The following TCF12 variants were observed in gnomAD, a reference collection of about 807,000 sequenced individuals.
TCF12 encodes the protein DNA-binding protein HTF4.
In TCF12, 45 loss-of-function variants were observed where a neutral mutation model predicts 86.0. That is an observed-to-expected ratio of 0.52 (90% CI 0.41 to 0.67). The LOEUF is 0.67. Ranked by LOEUF, TCF12 falls within the 30% of genes least tolerant of loss-of-function variation. The pLI is 0.00. For synonymous variants in TCF12, 330 were observed against 299.6 expected, an observed-to-expected ratio of 1.10 and a Z score of -1.05; for missense variants, 881 against 859.9, an observed-to-expected ratio of 1.02 and a Z score of -0.31.
intron 3 of TCF12, among the ~76,000 whole-genome samples, chr15:56,979,783 CCTG>C (rs779330511): frequency 1.1e-4 from 16 of 152,128 alleles, no homozygotes; most frequent in Admixed American, 2.0e-4. Context: ...CAGTATTATT[CCTG>C]CTATCTAAAT....
chr15:56,949,470 T>A (rs1595812135), intron 3 of TCF12, among the ~76,000 whole-genome samples: 1 of 152,270 alleles, frequency 6.6e-6, no homozygotes, highest in Non-Finnish European at 1.5e-5. Context: ...AACTCAGTTA[T>A]GTATGAATTA....
intron 3 of TCF12, among the ~76,000 whole-genome samples, chr15:56,992,868 A>T (rs759700041): frequency 6.6e-6 from 1 of 152,202 alleles, no homozygotes. Context: ...TGAGGAGTTC[A>T]TGTGTCAGTG....
chr15:57,056,922 C>T (rs1403526873), intron 3 of TCF12, among the ~76,000 whole-genome samples: 2 of 151,494 alleles, frequency 1.3e-5, no homozygotes, highest in Non-Finnish European at 2.9e-5. Flanking sequence ...CTGTTGGCCT[C>T]TGGTGATTAT....
intron 4 of TCF12, among the ~76,000 whole-genome samples, chr15:57,072,941 A>T (rs890409256): frequency 1.3e-5 from 2 of 152,212 alleles, no homozygotes; most frequent in Non-Finnish European, 2.9e-5. Context: ...GGATAAGAAA[A>T]AATTGGGTTG....
intron 3 of TCF12, among the ~76,000 whole-genome samples, chr15:57,024,694 G>T (rs1204755653): frequency 6.6e-6 from 1 of 152,160 alleles, no homozygotes; most frequent in Non-Finnish European, 1.5e-5. Flanking sequence ...TTCTGACTTA[G>T]ACCATTCCAT....
chr15:57,179,640 T>C (rs1051194825), intron 6 of TCF12, among the ~76,000 whole-genome samples: 3 of 152,020 alleles, frequency 2.0e-5, no homozygotes, highest in South Asian at 4.1e-4. Flanking sequence ...ACAATATTTA[T>C]TAAGTTTTCA....
rs143747235 is a variant in TCF12 at position 57,204,179 on chromosome 15, T to G, written c.579+6354T>G. 3.6e-3 allele frequency among the ~76,000 whole-genome samples: 554 copies of G among 152,252 alleles called. 3 individuals are homozygous for G. Among genetic ancestry groups the G allele is most frequent in the African/African-American group, 0.013 (536 of 41,550 alleles). On this transcript the variant is annotated intron_variant, in intron 8 of 20. Coordinates refer to ENST00000333725, the MANE Select transcript of TCF12 (RefSeq NM_207037.2). ...ATGAGGCCAGGCATAGTGGCTCACG[T>G]AATCCCAGCACTTTGGGAGGCCAAG...
At chr15:57,192,384 T>A (rs1370258579) in intron 7 of TCF12, 91 bp downstream of exon 7, 1 of 1,514,712 alleles carries the variant, frequency 6.6e-7, no homozygotes, top group African/African-American at 1.4e-5. Context: ...CTTTTTTTTT[T>A]TTTTCTTTCC....
chr15:57,219,625 T>C, intron 8 of TCF12: 5 of 1,600,350 alleles, frequency 3.1e-6, no homozygotes, highest in Non-Finnish European at 4.3e-6. Context: ...TCTAACTCAC[T>C]TGTTTAAAGG....
intron 3 of TCF12, among the ~76,000 whole-genome samples, chr15:56,941,585 G>A (rs941274119): frequency 1.3e-5 from 2 of 151,890 alleles, no homozygotes; most frequent in African/African-American, 4.8e-5. Flanking sequence ...ATGTTGGCCA[G>A]GCTGGTCTTT....
In TCF12 at chr15:57,232,189, G is replaced by A. The variant is rs113119674; in HGVS notation, c.686-102G>A. 7.4e-5 allele frequency: 99 copies of A among 1,330,272 alleles called. 5 individuals carry two copies. The African/African-American group carries it at 7.6e-4, about 10-fold the overall frequency. The allele number at this position is 1,330,272 out of a possible 1,614,324, so 82.4% of individuals were successfully genotyped here. ...GTAGAAGACTAGGTTGGAAAAGGGAGGAAAAATATCTGGAGGGTACCCCTT... is the reference window on the plus strand; with the variant it reads ...GTAGAAGACTAGGTTGGAAAAGGGAAGAAAAATATCTGGAGGGTACCCCTT... On this transcript the variant is annotated intron_variant, in intron 9 of 20. Coordinates refer to ENST00000333725, the MANE Select transcript of TCF12 (RefSeq NM_207037.2).
intron 18 of TCF12, among the ~76,000 whole-genome samples, chr15:57,272,537 C>A (rs1028290574): frequency 6.6e-6 from 1 of 152,202 alleles, no homozygotes; most frequent in East Asian, 1.9e-4. Context: ...GCAAATTATA[C>A]ATTCATGTAC....
rs866661863 is a variant in TCF12, at chr15:57,266,269, G to A, written c.1745+2995G>A. Among the ~76,000 whole-genome samples the A allele has an allele frequency of 2.4e-4, 36 of 152,084 alleles. No homozygotes were observed. The Middle Eastern group carries it at 0.014, about 57-fold the overall frequency. On this transcript the variant is annotated intron_variant, in intron 18 of 20. Transcript: ENST00000333725. ...ATTTTTGTATTTTTAATAGAGACAA[G>A]GTTTCACCATGTTTTCCAGGCTGGT...
At chr15:57,023,231 T>G (rs1288910616) in intron 3 of TCF12, among the ~76,000 whole-genome samples, 1 of 152,178 alleles carries the variant, frequency 6.6e-6, no homozygotes, top group African/African-American at 2.4e-5. Flanking sequence ...GGAGTTTGAT[T>G]TTATTCAGTG....
intron 3 of TCF12, among the ~76,000 whole-genome samples, chr15:57,031,283 A>G (rs2066164747): frequency 6.6e-6 from 1 of 151,950 alleles, no homozygotes. Flanking sequence ...TTGGATAAAC[A>G]TTTTCTTCTC....
chr15:57,275,319 A>C (rs2061326393), intron 19 of TCF12, among the ~76,000 whole-genome samples: 1 of 11,316 alleles, frequency 8.8e-5, no homozygotes. Flanking sequence ...GGATCTTTGT[A>C]AGGTAGGGGT....
intron 5 of TCF12, among the ~76,000 whole-genome samples, chr15:57,159,478 G>A (rs776041135): frequency 5.9e-5 from 9 of 152,182 alleles, no homozygotes; most frequent in Non-Finnish European, 1.3e-4. Flanking sequence ...TCAAGGGGGA[G>A]GAGGATAGTC....
chr15:56,999,080 C>T (rs1454093389), intron 3 of TCF12, among the ~76,000 whole-genome samples: 1 of 151,952 alleles, frequency 6.6e-6, no homozygotes, highest in Non-Finnish European at 1.5e-5. Flanking sequence ...CGCCTGTAGT[C>T]CCAGCTAATC....
intron 5 of TCF12, among the ~76,000 whole-genome samples, chr15:57,103,407 C>T (rs1293450612): frequency 6.6e-6 from 1 of 152,182 alleles, no homozygotes; most frequent in Non-Finnish European, 1.5e-5. Flanking sequence ...GGGACCCTGC[C>T]TCTACAAAAC....
Sources: gnomAD v4.1 joint callset for allele counts (sites outside exome capture counted in the v4.1 genomes callset) on GRCh38, gnomAD v4.1.1 for gene constraint, MANE v1.5 for transcripts, NCBI Gene and HGNC (gene_info 2026-07-23, HGNC 2026-07-21) for gene names.